The following SMOC2 variants were observed in gnomAD, a reference collection of about 807,000 sequenced individuals.
SMOC2 encodes the protein SPARC related modular calcium binding 2.
Under a neutral mutation model 61.4 loss-of-function variants are expected in SMOC2, and 39 were observed. The ratio of observed to expected loss-of-function variants is 0.64; its 90% CI spans 0.49 to 0.83. The LOEUF is 0.83. Among genes scored for constraint, SMOC2 ranks in the 40% least tolerant of loss-of-function variants. The pLI is 0.00. For synonymous variants in SMOC2, 247 were observed against 239.9 expected, an observed-to-expected ratio of 1.03 and a Z score of -0.27; for missense variants, 556 against 592.9, an observed-to-expected ratio of 0.94 and a Z score of 0.65.
chr6:168,558,761 G>A (rs957126605), intron 7 of SMOC2, among the ~76,000 whole-genome samples: 4 of 152,176 alleles, frequency 2.6e-5, no homozygotes, highest in African/African-American at 4.8e-5. Flanking sequence ...GTGTGTGTTT[G>A]TGCATGTGTG....
intron 7 of SMOC2, among the ~76,000 whole-genome samples, chr6:168,559,867 C>T (rs181123693): frequency 6.6e-6 from 1 of 152,216 alleles, no homozygotes; most frequent in Non-Finnish European, 1.5e-5. Context: ...TCATCTTTCT[C>T]TGTAGTCACC....
Position 168,537,725 on chromosome 6 carries a change from A to G in SMOC2, c.464-5900A>G, listed in dbSNP as rs1050191593. ...CATATGCCCTCGGTCCTCTGGCAGG[A>G]CACCCTCCCTGCCACGGCCAGTCTT... On this transcript the variant is annotated intron_variant, in intron 4 of 12. Coordinates refer to ENST00000356284, the MANE Select transcript of SMOC2 (RefSeq NM_001166412.2). 2.4e-4 allele frequency among the ~76,000 whole-genome samples: 36 copies of G among 152,242 alleles called. 1 individual carries two copies. Among genetic ancestry groups the G allele is most frequent in the African/African-American group, 7.9e-4 (33 of 41,556 alleles).
At chr6:168,542,138 A>G (rs771356951) in intron 4 of SMOC2, among the ~76,000 whole-genome samples, 57 of 152,240 alleles carry the variant, frequency 3.7e-4, no homozygotes, top group Non-Finnish European at 1.0e-4. Flanking sequence ...TCGGGAACAC[A>G]TGATAAAAAT....
At chr6:168,541,598 G>C (rs1783880007) in intron 4 of SMOC2, among the ~76,000 whole-genome samples, 1 of 152,170 alleles carries the variant, frequency 6.6e-6, no homozygotes, top group Non-Finnish European at 1.5e-5. Flanking sequence ...GAAGGCAGGG[G>C]CAGGAAGGTT....
chr6:168,627,662 G>A (rs1258740643), intron 9 of SMOC2, among the ~76,000 whole-genome samples: 1 of 152,212 alleles, frequency 6.6e-6, no homozygotes, highest in African/African-American at 2.4e-5. Flanking sequence ...CTCTGAGCCT[G>A]TGGTCCTCAT....
intron 7 of SMOC2, among the ~76,000 whole-genome samples, chr6:168,581,538 G>A (rs183808141): frequency 5.9e-5 from 9 of 152,278 alleles, no homozygotes; most frequent in Non-Finnish European, 1.2e-4. Flanking sequence ...CTTGCCGGGC[G>A]CATTTCTTGC....
At chr6:168,595,771 T>C (rs1785315396) in intron 7 of SMOC2, among the ~76,000 whole-genome samples, 1 of 152,248 alleles carries the variant, frequency 6.6e-6, no homozygotes, top group Non-Finnish European at 1.5e-5. Flanking sequence ...ATATTTTATA[T>C]CATGCTCATC....
chr6:168,563,462 T>C (rs1031330567), intron 7 of SMOC2, among the ~76,000 whole-genome samples: 2 of 152,112 alleles, frequency 1.3e-5, no homozygotes, highest in Admixed American at 6.5e-5. Flanking sequence ...CACACACACA[T>C]ATAAACTTTC....
At chr6:168,533,723 G>A (rs548685777) in intron 4 of SMOC2, among the ~76,000 whole-genome samples, 197 of 152,212 alleles carry the variant, frequency 1.3e-3, no homozygotes, top group Non-Finnish European at 2.0e-3. Flanking sequence ...TTTAGCCTTC[G>A]TAGGTCTTTT....
chr6:168,481,872 C>G (rs1286715777), intron 1 of SMOC2, among the ~76,000 whole-genome samples: 1 of 151,456 alleles, frequency 6.6e-6, no homozygotes, highest in Admixed American at 6.6e-5. Flanking sequence ...AATAAAGTAA[C>G]CAAAAACTTA....
chr6:168,572,481 C>T (rs369266778), intron 7 of SMOC2, among the ~76,000 whole-genome samples: 2 of 5,676 alleles, frequency 3.5e-4, no homozygotes, highest in African/African-American at 5.5e-3. Context: ...GCGATGTTCA[C>T]TTCCTCCCCG....
At chr6:168,658,487 G>A (rs146593262) in intron 11 of SMOC2, among the ~76,000 whole-genome samples, 179 of 152,216 alleles carry the variant, frequency 1.2e-3, no homozygotes, top group Middle Eastern at 3.4e-3. Context: ...CCGTTGTCAG[G>A]TGGCTTGAGT....
At chr6:168,541,094 C>T (rs891384499) in intron 4 of SMOC2, among the ~76,000 whole-genome samples, 5 of 152,202 alleles carry the variant, frequency 3.3e-5, no homozygotes, top group African/African-American at 1.2e-4. Context: ...ATTATTCCTC[C>T]CTTAAACCGG....
At chr6:168,612,745 C>T (rs184491519) in intron 9 of SMOC2, among the ~76,000 whole-genome samples, 7 of 152,284 alleles carry the variant, frequency 4.6e-5, no homozygotes, top group South Asian at 2.1e-4. Flanking sequence ...AGGCCCTCGG[C>T]GCGGCAATGC....
At chr6:168,518,086 C>T (rs1301653429) in intron 2 of SMOC2, among the ~76,000 whole-genome samples, 2 of 152,242 alleles carry the variant, frequency 1.3e-5, no homozygotes, top group Admixed American at 6.5e-5. Flanking sequence ...CCAGAGAGCT[C>T]CACACCTGCC....
rs116314210 is a variant in SMOC2 at position 168,605,905 on chromosome 6, C to T, written c.825-2252C>T. On this transcript the variant is annotated intron_variant, in intron 8 of 12. Transcript: ENST00000356284. ...GCTGGAACTCTATCCTCAGAGTCTA[C>T]GTCATCCATTCTGAGCTGGGACATT... Among the ~76,000 whole-genome samples, 976 of 152,260 alleles carry T rather than the reference C, an allele frequency of 6.4e-3. 15 individuals are homozygous for T. Among genetic ancestry groups the T allele is most frequent in the African/African-American group, 0.022 (929 of 41,546 alleles).
chr6:168,552,093 A>C lies in SMOC2; in HGVS notation c.637+2890A>C, dbSNP rs545187503. Among the ~76,000 whole-genome samples the C allele has an allele frequency of 1.2e-4, 19 of 152,332 alleles. 3 individuals are homozygous for C. In the South Asian group the frequency reaches 3.7e-3, roughly 30 times the overall value. ...ACACGGGGCATGAAGCTACTGGACT[A>C]TGTTTGTGTTTAATACCAGTTTTCT... On this transcript the variant is annotated intron_variant, in intron 7 of 12. Transcript: ENST00000356284.
intron 8 of SMOC2, 121 bp downstream of exon 8, chr6:168,599,125 C>T: frequency 1.2e-6 from 1 of 865,964 alleles, no homozygotes; most frequent in Non-Finnish European, 1.7e-6. Flanking sequence ...CACACTCACA[C>T]TCACACACAC....
At chr6:168,490,616 A>C (rs1445900303) in intron 1 of SMOC2, among the ~76,000 whole-genome samples, 1 of 152,188 alleles carries the variant, frequency 6.6e-6, no homozygotes, top group East Asian at 1.9e-4. Flanking sequence ...TAGGTTTATC[A>C]GTGGATTGAG....
Sources: gnomAD v4.1 joint callset for allele counts (sites outside exome capture counted in the v4.1 genomes callset) on GRCh38, gnomAD v4.1.1 for gene constraint, MANE v1.5 for transcripts, NCBI Gene and HGNC (gene_info 2026-07-23, HGNC 2026-07-21) for gene names.